The following CSMD1 variants were observed in gnomAD, a reference collection of about 807,000 sequenced individuals.
CSMD1 encodes the protein CUB and Sushi multiple domains 1.
A neutral mutation model predicts 417.5 loss-of-function variants in CSMD1; 213 were observed. The observed-to-expected ratio is 0.51, with a 90% confidence interval of 0.46 to 0.57. CSMD1 has a LOEUF of 0.57. CSMD1 is among the 20% of genes least tolerant of loss of function. The pLI, the probability that CSMD1 is intolerant of heterozygous loss-of-function variation, is 0.00. For missense variants in CSMD1, 6,923 were observed against 4,529.7 expected, an observed-to-expected ratio of 1.53 and a Z score of -15.17; for synonymous variants, 2,862 against 1,736.8, an observed-to-expected ratio of 1.65 and a Z score of -16.11.
chr8:3,247,090 T>C (rs1056455051), intron 26 of CSMD1, among the ~76,000 whole-genome samples: 1 of 152,132 alleles, frequency 6.6e-6, no homozygotes, highest in African/African-American at 2.4e-5. Context: ...AGCACAAATA[T>C]GGTGAGAAGC....
At chr8:3,254,815 A>C (rs113855210) in intron 26 of CSMD1, among the ~76,000 whole-genome samples, 2 of 151,908 alleles carry the variant, frequency 1.3e-5, no homozygotes, top group Admixed American at 1.3e-4. Flanking sequence ...CATGGGTTCA[A>C]ACTTCCTCCT....
intron 5 of CSMD1, among the ~76,000 whole-genome samples, chr8:3,819,476 T>A (rs1801591874): frequency 6.6e-6 from 1 of 151,898 alleles, no homozygotes; most frequent in Admixed American, 6.6e-5. Context: ...CAATCGTCGG[T>A]GGCACTGCTC....
chr8:4,104,933 G>C (rs562903230), intron 3 of CSMD1, among the ~76,000 whole-genome samples: 3 of 152,072 alleles, frequency 2.0e-5, no homozygotes, highest in Admixed American at 6.6e-5. Context: ...CACAACAGTA[G>C]TTTAAACATG....
intron 5 of CSMD1, among the ~76,000 whole-genome samples, chr8:3,992,068 C>A (rs1020733507): frequency 6.6e-6 from 1 of 150,746 alleles, no homozygotes; most frequent in East Asian, 1.9e-4. Context: ...TTAATTATAT[C>A]CCTACACCTT....
At chr8:2,993,740 G>T (rs769641683) in intron 54 of CSMD1, among the ~76,000 whole-genome samples, 2 of 152,086 alleles carry the variant, frequency 1.3e-5, no homozygotes, top group African/African-American at 2.4e-5. Flanking sequence ...AAAGTTTTAG[G>T]ACGTAGACTG....
At chr8:4,847,474 A>C (rs12680966) in intron 1 of CSMD1, among the ~76,000 whole-genome samples, 131,384 of 152,072 alleles carry the variant, frequency 0.86, 57,540 homozygotes, top group East Asian at 1. Context: ...CCATACACCT[A>C]ATACCCGACT....
chr8:4,147,063 C>T (rs1804181854), intron 3 of CSMD1, among the ~76,000 whole-genome samples: 1 of 151,862 alleles, frequency 6.6e-6, no homozygotes, highest in Non-Finnish European at 1.5e-5. Flanking sequence ...CACCCTCCTG[C>T]CCTAACTCCA....
chr8:3,301,947 T>C (rs1804441859), intron 25 of CSMD1, among the ~76,000 whole-genome samples: 1 of 152,176 alleles, frequency 6.6e-6, no homozygotes, highest in Non-Finnish European at 1.5e-5. Flanking sequence ...CACTTTTTTT[T>C]CAGTGTCTCG....
At chr8:3,796,112 CT>C (rs1800090460) in intron 5 of CSMD1, among the ~76,000 whole-genome samples, 1 of 9,648 alleles carries the variant, frequency 1.0e-4, no homozygotes, top group Non-Finnish European at 2.1e-4. Flanking sequence ...AGATATATAT[CT>C]ATCATAGATA....
chr8:4,005,131 TTG>T (rs1183031863), intron 4 of CSMD1, among the ~76,000 whole-genome samples: 5 of 152,024 alleles, frequency 3.3e-5, no homozygotes, highest in African/African-American at 1.2e-4. Context: ...CTTTGGAGAT[TTG>T]GGGGGAAGAG....
intron 3 of CSMD1, among the ~76,000 whole-genome samples, chr8:4,281,297 T>C (rs574009020): frequency 1.2e-4 from 18 of 152,340 alleles, no homozygotes; most frequent in African/African-American, 3.6e-4. Context: ...GGTAGAGATA[T>C]GAAAACCTGA....
intron 41 of CSMD1, among the ~76,000 whole-genome samples, chr8:3,124,240 T>C (rs1817371486): frequency 6.6e-6 from 1 of 152,168 alleles, no homozygotes; most frequent in Non-Finnish European, 1.5e-5. Flanking sequence ...CTCTACTCTG[T>C]TATAAATGCT....
At chr8:4,800,281 A>T (rs950727320) in intron 1 of CSMD1, among the ~76,000 whole-genome samples, 3 of 151,998 alleles carry the variant, frequency 2.0e-5, no homozygotes, top group Non-Finnish European at 1.5e-5. Flanking sequence ...AATACAAAAA[A>T]TTAGCTGGGC....
At chr8:4,639,765 A>C (rs1329424977) in intron 1 of CSMD1, among the ~76,000 whole-genome samples, 1 of 152,224 alleles carries the variant, frequency 6.6e-6, no homozygotes, top group Non-Finnish European at 1.5e-5. Flanking sequence ...GTGAGCTCAA[A>C]TCATTCACAG....
intron 5 of CSMD1, among the ~76,000 whole-genome samples, chr8:3,970,900 T>C (rs1452681981): frequency 3.3e-5 from 5 of 152,242 alleles, no homozygotes; most frequent in Middle Eastern, 3.4e-3. Context: ...TACAGGTGAC[T>C]GCCACCATGC....
At chr8:3,907,252 T>C (rs73495991) in intron 5 of CSMD1, among the ~76,000 whole-genome samples, 4,221 of 152,262 alleles carry the variant, frequency 0.028, 136 homozygotes, top group African/African-American at 0.077. Flanking sequence ...ATATATTCAA[T>C]TTGATCGTAA....
At chr8:3,721,655 T>G (rs975605777) in intron 6 of CSMD1, among the ~76,000 whole-genome samples, 1 of 152,228 alleles carries the variant, frequency 6.6e-6, no homozygotes, top group Non-Finnish European at 1.5e-5. Context: ...TTTTGCTGTT[T>G]TCCTCCTCAT....
chr8:3,832,135 C>G (rs547753241), intron 5 of CSMD1, among the ~76,000 whole-genome samples: 1 of 152,212 alleles, frequency 6.6e-6, no homozygotes, highest in African/African-American at 2.4e-5. Context: ...TTCTTTAGGG[C>G]TATTTATGGG....
chr8:4,477,425 G>T (rs1017254603), intron 2 of CSMD1, among the ~76,000 whole-genome samples: 15 of 152,180 alleles, frequency 9.9e-5, no homozygotes, highest in African/African-American at 3.4e-4. Context: ...CAAAATTGGG[G>T]GGCTCAGAAA....
Sources: gnomAD v4.1 joint callset for allele counts (sites outside exome capture counted in the v4.1 genomes callset) on GRCh38, gnomAD v4.1.1 for gene constraint, MANE v1.5 for transcripts, NCBI Gene and HGNC (gene_info 2026-07-23, HGNC 2026-07-21) for gene names.